Variants in ABLIM1 observed in about 807,000 individuals in gnomAD.
ABLIM1 encodes the protein actin-binding LIM protein 1.
Under a neutral mutation model 107.0 loss-of-function variants are expected in ABLIM1, and 40 were observed. The observed-to-expected ratio is 0.37, with a 90% confidence interval of 0.29 to 0.49. The LOEUF (loss-of-function observed/expected upper bound fraction) is 0.49. ABLIM1 is among the 20% of genes least tolerant of loss of function. The pLI is 0.97. For synonymous variants in ABLIM1, 357 were observed against 357.3 expected (o/e 1.00, Z 0.01); for missense variants, 857 against 1,008.5 (o/e 0.85, Z 2.04).
At chr10:114,718,032 A>AAGGAAGGAAGGAAAGAAGGAAGGG (rs753398691) in intron 1 of ABLIM1, among the ~76,000 whole-genome samples, 2 of 93,006 alleles carry the variant, frequency 2.2e-5, no homozygotes, top group South Asian at 3.6e-4. Context: ...GGAAGGAAGG[A>AAGGAAGGAAGGAAAGAAGGAAGGG]GAAAGAGAAA....
chr10:114,566,607 C>G (rs1406126178), intron 4 of ABLIM1, among the ~76,000 whole-genome samples: 1 of 152,196 alleles, frequency 6.6e-6, no homozygotes, highest in Non-Finnish European at 1.5e-5. Context: ...CGTCAAAACC[C>G]TGTGTGCTAA....
chr10:114,697,410 G>C (rs181414632), intron 1 of ABLIM1, among the ~76,000 whole-genome samples: 1 of 152,256 alleles, frequency 6.6e-6, no homozygotes, highest in African/African-American at 2.4e-5. Context: ...GCTGGCACGC[G>C]GTTTTCGAAG....
At chr10:114,494,293 G>A (rs995343073) in intron 6 of ABLIM1, among the ~76,000 whole-genome samples, 1 of 152,206 alleles carries the variant, frequency 6.6e-6, no homozygotes, top group Non-Finnish European at 1.5e-5. Context: ...AGCACTTTGG[G>A]AGACGTAGGC....
At chr10:114,708,463 C>A (rs2081473050) in intron 1 of ABLIM1, among the ~76,000 whole-genome samples, 1 of 152,056 alleles carries the variant, frequency 6.6e-6, no homozygotes, top group African/African-American at 2.4e-5. Flanking sequence ...CCCTGGGACC[C>A]CAAAACTACA....
At chr10:114,678,888 G>A (rs1289831056) in intron 1 of ABLIM1, among the ~76,000 whole-genome samples, 1 of 152,156 alleles carries the variant, frequency 6.6e-6, no homozygotes, top group East Asian at 1.9e-4. Context: ...GAGTCTCAGT[G>A]CATGTCTATT....
rs188226044 is a variant in ABLIM1 at position 114,732,781 on chromosome 10, T to C, written c.-213+35280A>G. Among the ~76,000 whole-genome samples, 65 of 152,338 alleles carry C rather than the reference T, an allele frequency of 4.3e-4. No individual in the cohort carries two copies. In the East Asian group the frequency reaches 0.012, roughly 28 times the overall value. On this transcript the variant is annotated intron_variant, in intron 1 of 15. Transcript: ENST00000651092. The stretch of plus-strand genomic sequence containing the variant: ...GATTAATAAATTAATTTTGAAGCCA[T>C]AGTCACTGAAAAGGCCAACTATATA...
upstream of ABLIM1, among the ~76,000 whole-genome samples, chr10:114,689,307 C>T (rs1033841589): frequency 2.0e-5 from 3 of 151,950 alleles, no homozygotes; most frequent in African/African-American, 4.8e-5. Flanking sequence ...ATCCTATCTA[C>T]CTTAGAATAA....
At chr10:114,602,482 C>T (rs554110113) in intron 1 of ABLIM1, among the ~76,000 whole-genome samples, 223 of 152,164 alleles carry the variant, frequency 1.5e-3, no homozygotes, top group Non-Finnish European at 2.5e-3. Flanking sequence ...TGTTTCTTTA[C>T]GTATTAATTA....
Position 114,714,189 on chromosome 10 carries a change from G to A in ABLIM1, c.-213+53872C>T, listed in dbSNP as rs146343162. Among the ~76,000 whole-genome samples, 12 of 152,322 alleles carry A rather than the reference G, an allele frequency of 7.9e-5. No homozygotes were observed. The East Asian group carries it at 2.3e-3, about 29-fold the overall frequency. ...TTTATTAATCGCAAGGCTGGAGCTG[G>A]TTTTTTAATTAACTTCATTTAGGTC... On this transcript the variant is annotated intron_variant, in intron 1 of 15. Coordinates refer to the ABLIM1 transcript ENST00000651092.
At chr10:114,783,050 G>A in the ABLIM1 span, among the ~76,000 whole-genome samples, 2 of 152,188 alleles carry the variant, frequency 1.3e-5, no homozygotes, top group Non-Finnish European at 1.5e-5. Context: ...GGGAGGCCGA[G>A]GCAGATGGAT....
chr10:114,529,176 G>A (rs1050715509), intron 6 of ABLIM1, among the ~76,000 whole-genome samples: 14 of 150,396 alleles, frequency 9.3e-5, no homozygotes, highest in African/African-American at 3.4e-4. Context: ...CAAGGCTGGA[G>A]TGCAGTGGTG....
intron 1 of ABLIM1, among the ~76,000 whole-genome samples, chr10:114,626,666 C>T (rs950347668): frequency 2.0e-5 from 3 of 152,218 alleles, no homozygotes; most frequent in Non-Finnish European, 4.4e-5. Context: ...AACACTGATG[C>T]CTGCGTGTAA....
intron 4 of ABLIM1, among the ~76,000 whole-genome samples, chr10:114,555,180 GA>G (rs1477351250): frequency 6.6e-6 from 1 of 152,114 alleles, no homozygotes; most frequent in African/African-American, 2.4e-5. Context: ...ATCATCATAA[GA>G]AAATTAACAT....
At chr10:114,644,083 C>T (rs140881861) in intron 1 of ABLIM1, among the ~76,000 whole-genome samples, 6,885 of 150,558 alleles carry the variant, frequency 0.046, 225 homozygotes, top group Middle Eastern at 0.075. Context: ...AGATAGAGAC[C>T]ACCCTGGCTA....
chr10:114,711,636 C>T (rs751051363), intron 1 of ABLIM1, among the ~76,000 whole-genome samples: 4 of 152,180 alleles, frequency 2.6e-5, no homozygotes, highest in Admixed American at 2.6e-4. Flanking sequence ...AAGGGGCATG[C>T]ACTACCCTGA....
chr10:114,439,971 CACA>C (rs972197679), intron 20 of ABLIM1, 108 bp downstream of exon 20: 56 of 1,561,794 alleles, frequency 3.6e-5, no homozygotes, highest in Middle Eastern at 1.7e-4. Context: ...AGAGATCAAC[CACA>C]ACAAGCATCT....
chr10:114,648,057 A>C (rs2079081713), intron 1 of ABLIM1, among the ~76,000 whole-genome samples: 1 of 152,240 alleles, frequency 6.6e-6, no homozygotes, highest in African/African-American at 2.4e-5. Context: ...GCTTTAATTT[A>C]ATTTGAAATT....
At chr10:114,480,785 T>G (rs926695454) in intron 8 of ABLIM1, among the ~76,000 whole-genome samples, 1 of 152,172 alleles carries the variant, frequency 6.6e-6, no homozygotes, top group Non-Finnish European at 1.5e-5. Context: ...TACTCTATAG[T>G]TATCTCCCCA....
intron 12 of ABLIM1, among the ~76,000 whole-genome samples, chr10:114,457,944 G>C (rs933932689): frequency 6.6e-6 from 1 of 152,046 alleles, no homozygotes; most frequent in Non-Finnish European, 1.5e-5. Context: ...TTGGTGGCAG[G>C]CATCTGTAAT....
Sources: allele counts gnomAD v4.1 joint callset (sites outside exome capture counted in the v4.1 genomes callset), GRCh38; gene constraint gnomAD v4.1.1; transcripts MANE v1.5; gene names NCBI Gene and HGNC (gene_info 2026-07-23, HGNC 2026-07-21).